FSHR: variants seen among roughly 807,000 people sequenced by gnomAD.
The protein encoded by FSHR is follicle-stimulating hormone receptor.
A neutral mutation model predicts 52.1 loss-of-function variants in FSHR; 46 were observed. The observed-to-expected ratio is 0.88, with a 90% CI of 0.70 to 1.13. FSHR has a LOEUF of 1.13. Among genes scored for constraint, FSHR ranks in the 50% most tolerant of loss-of-function variants. The probability of loss-of-function intolerance (pLI) is 0.00; values close to 1 mark genes in which losing one functional copy is unlikely to be tolerated. For missense variants in FSHR, 964 were observed against 834.6 expected, an observed-to-expected ratio of 1.16 and a Z score of -1.91; for synonymous variants, 399 against 309.6, an observed-to-expected ratio of 1.29 and a Z score of -3.03.
intron 2 of FSHR, among the ~76,000 whole-genome samples, chr2:49,024,106 T>G (rs1428546253): frequency 6.6e-6 from 1 of 152,078 alleles, no homozygotes; most frequent in Non-Finnish European, 1.5e-5. Flanking sequence ...TTATTCCGAG[T>G]AGAGTTGTTA....
At chr2:49,128,393 C>G (rs189164313) in intron 1 of FSHR, among the ~76,000 whole-genome samples, 1 of 152,024 alleles carries the variant, frequency 6.6e-6, no homozygotes, top group East Asian at 1.9e-4. Flanking sequence ...AAAGATTTTA[C>G]TAAGAAAGCT....
intron 9 of FSHR, among the ~76,000 whole-genome samples, chr2:48,966,327 C>G (rs969925428): frequency 6.6e-6 from 1 of 152,044 alleles, no homozygotes; most frequent in African/African-American, 2.4e-5. Context: ...AAATGGCCTT[C>G]ACAACATTGA....
At chr2:49,111,523 T>A (rs957741142) in intron 1 of FSHR, among the ~76,000 whole-genome samples, 3 of 152,146 alleles carry the variant, frequency 2.0e-5, no homozygotes, top group Admixed American at 2.0e-4. Context: ...AGAGCAGTGA[T>A]TTGTTCCTCT....
At chr2:49,127,802 C>T (rs1052296770) in intron 1 of FSHR, among the ~76,000 whole-genome samples, 2 of 55,014 alleles carry the variant, frequency 3.6e-5, no homozygotes, top group African/African-American at 7.7e-5. Flanking sequence ...TCTTCTTCTT[C>T]TTCTTCTTCT....
rs957008237 is a variant in FSHR at position 49,064,685 on chromosome 2, G to C, written c.224+3534C>G. ...TGGGTGGATAGGTTAGACGTGTAAC[G>C]AGGTAAAAACAACAGGACTTGGTGT... is the stretch of plus-strand genomic sequence containing the variant. On this transcript the variant is annotated intron_variant, in intron 2 of 9. Coordinates refer to ENST00000406846, the MANE Select transcript of FSHR (RefSeq NM_000145.4). Among the ~76,000 whole-genome samples, 3 of 152,114 alleles carry C rather than the reference G, an allele frequency of 2.0e-5. No individual in the cohort carries two copies. The South Asian group carries it at 6.2e-4, about 32-fold the overall frequency.
At position 49,035,337 on chromosome 2, in the gene FSHR, C is replaced by G. The variant is rs533914359; in HGVS notation, c.225-15177G>C. On this transcript the variant is annotated intron_variant, in intron 2 of 9. Coordinates refer to ENST00000406846, the MANE Select transcript of FSHR (RefSeq NM_000145.4). ...ACATTGCCTTTCATTTTCGAAGGGT[C>G]TCTGCCAGTGACAGAAGAGACCAAG... Among the ~76,000 whole-genome samples, 15 of 152,334 alleles carry G rather than the reference C, an allele frequency of 9.8e-5. No homozygotes were observed. The South Asian group carries it at 2.7e-3, about 27-fold the overall frequency.
intron 1 of FSHR, among the ~76,000 whole-genome samples, chr2:49,105,077 G>C (rs976273701): frequency 2.0e-5 from 3 of 152,146 alleles, no homozygotes; most frequent in African/African-American, 7.2e-5. Context: ...TCTGGACAGG[G>C]TGAGGGCAGG....
At chr2:49,067,749 T>C (rs1361738865) in intron 2 of FSHR, among the ~76,000 whole-genome samples, 1 of 152,120 alleles carries the variant, frequency 6.6e-6, no homozygotes, top group East Asian at 1.9e-4. Flanking sequence ...TGCTGTAAAC[T>C]TTCCTAGTAC....
chr2:48,966,418 T>C (rs1226999833), intron 9 of FSHR, among the ~76,000 whole-genome samples: 1 of 152,158 alleles, frequency 6.6e-6, no homozygotes, highest in Admixed American at 6.5e-5. Context: ...GCAAAATGAA[T>C]ACAGAATTAT....
At chr2:49,151,431 C>T (rs1002870995) in intron 1 of FSHR, among the ~76,000 whole-genome samples, 6 of 152,076 alleles carry the variant, frequency 3.9e-5, no homozygotes, top group African/African-American at 1.4e-4. Flanking sequence ...TAAATGAAAT[C>T]TACTTGCCTG....
At chr2:49,127,214 G>C (rs1672033286) in intron 1 of FSHR, among the ~76,000 whole-genome samples, 1 of 151,982 alleles carries the variant, frequency 6.6e-6, no homozygotes, top group African/African-American at 2.4e-5. Flanking sequence ...TGTAATCCCA[G>C]CTACTTGGGA....
chr2:49,136,555 C>T (rs2103824927), intron 1 of FSHR, among the ~76,000 whole-genome samples: 1 of 152,116 alleles, frequency 6.6e-6, no homozygotes, highest in Non-Finnish European at 1.5e-5. Flanking sequence ...CAAAACATCA[C>T]AAGCAAGTAA....
At chr2:49,127,805 CTT>C in intron 1 of FSHR, among the ~76,000 whole-genome samples, 1 of 55,560 alleles carries the variant, frequency 1.8e-5, no homozygotes, top group Admixed American at 3.0e-4. Flanking sequence ...TCTTCTTCTT[CTT>C]CTTCTTCTTC....
intron 1 of FSHR, among the ~76,000 whole-genome samples, chr2:49,105,350 C>T (rs1011931079): frequency 1.3e-5 from 2 of 152,080 alleles, no homozygotes; most frequent in Non-Finnish European, 2.9e-5. Flanking sequence ...TTCTCCACCA[C>T]CTGCTGCCTC....
chr2:49,075,939 C>G (rs2103640549), intron 1 of FSHR, among the ~76,000 whole-genome samples: 1 of 152,180 alleles, frequency 6.6e-6, no homozygotes, highest in South Asian at 2.1e-4. Flanking sequence ...CACAGCTAGA[C>G]TAACAGTAGA....
chr2:49,033,570 T>A (rs769481671), intron 2 of FSHR, among the ~76,000 whole-genome samples: 8 of 152,096 alleles, frequency 5.3e-5, no homozygotes, highest in African/African-American at 1.7e-4. Flanking sequence ...GGAAAACGGA[T>A]GGTCTGCAAC....
chr2:49,131,255 T>A (rs957407157), intron 1 of FSHR, among the ~76,000 whole-genome samples: 1 of 152,166 alleles, frequency 6.6e-6, no homozygotes, highest in South Asian at 2.1e-4. Context: ...ACAAACAAGA[T>A]GATAAATTCA....
intron 7 of FSHR, 29 bp from the exon 8 acceptor site, chr2:48,983,015 G>T: frequency 6.2e-7 from 1 of 1,611,024 alleles, no homozygotes; most frequent in Non-Finnish European, 8.5e-7. Flanking sequence ...AAAGAAGAAG[G>T]AAAACACAAA....
chr2:49,020,405 T>C (rs998065352), intron 2 of FSHR, among the ~76,000 whole-genome samples: 2 of 152,138 alleles, frequency 1.3e-5, no homozygotes, highest in African/African-American at 4.8e-5. Context: ...TCTATAGTTG[T>C]AGAAAGTGAG....
Sources: gnomAD v4.1 joint callset for allele counts (sites outside exome capture counted in the v4.1 genomes callset) on GRCh38, gnomAD v4.1.1 for gene constraint, MANE v1.5 for transcripts, NCBI Gene and HGNC (gene_info 2026-07-23, HGNC 2026-07-21) for gene names.